The following DAB1 variants were observed in gnomAD, a reference collection of about 807,000 sequenced individuals.
DAB1 encodes the protein disabled homolog 1.
Under a neutral mutation model 64.6 loss-of-function variants are expected in DAB1, and 15 were observed. The observed-to-expected ratio is 0.23, with a 90% confidence interval of 0.16 to 0.36. DAB1 has a LOEUF of 0.36. Ranked by LOEUF, DAB1 falls within the 10% of genes least tolerant of loss-of-function variation. DAB1 has a pLI of 1.00. For missense variants in DAB1, 596 were observed against 706.7 expected (o/e 0.84, Z 1.78); for synonymous variants, 235 against 251.9 (o/e 0.93, Z 0.64).
At chr1:57,683,367 G>A (rs1293523215) in intron 6 of DAB1, among the ~76,000 whole-genome samples, 1 of 152,114 alleles carries the variant, frequency 6.6e-6, no homozygotes, top group Non-Finnish European at 1.5e-5. Flanking sequence ...GGCCAGGAGT[G>A]AACCTGCTGA....
intron 6 of DAB1, among the ~76,000 whole-genome samples, chr1:57,689,943 C>G (rs1396510451): frequency 6.6e-6 from 1 of 152,046 alleles, no homozygotes; most frequent in East Asian, 1.9e-4. Context: ...TAATTCTATT[C>G]TCTATCTCTG....
At chr1:57,563,749 C>T (rs1441026743) in intron 7 of DAB1, among the ~76,000 whole-genome samples, 4 of 152,172 alleles carry the variant, frequency 2.6e-5, no homozygotes, top group African/African-American at 2.4e-5. Context: ...GGGAGGGGCA[C>T]CCACCATTGC....
intron 2 of DAB1, among the ~76,000 whole-genome samples, chr1:57,177,305 T>C (rs917690215): frequency 2.0e-5 from 3 of 152,156 alleles, no homozygotes; most frequent in African/African-American, 7.2e-5. Flanking sequence ...CCCCTTTGAG[T>C]CAGTCATCTT....
At chr1:57,017,373 C>A (rs1191834203) in intron 11 of DAB1, among the ~76,000 whole-genome samples, 1 of 152,130 alleles carries the variant, frequency 6.6e-6, no homozygotes, top group Non-Finnish European at 1.5e-5. Context: ...TCCAAAGGGA[C>A]AATGGGTGGG....
intron 1 of DAB1, among the ~76,000 whole-genome samples, chr1:58,530,965 G>A (rs1304992147): frequency 6.6e-6 from 1 of 152,082 alleles, no homozygotes; most frequent in African/African-American, 2.4e-5. Flanking sequence ...CTATTAGTCA[G>A]AGGATATAAA....
At chr1:57,616,027 A>T (rs1007452019) in intron 7 of DAB1, among the ~76,000 whole-genome samples, 1 of 152,162 alleles carries the variant, frequency 6.6e-6, no homozygotes, top group African/African-American at 2.4e-5. Flanking sequence ...CCCTATAAGA[A>T]TGGAGTGTGT....
intron 5 of DAB1, among the ~76,000 whole-genome samples, chr1:57,923,937 G>C (rs1047553377): frequency 3.3e-5 from 5 of 152,188 alleles, no homozygotes; most frequent in Non-Finnish European, 7.3e-5. Context: ...AGAAGAATTA[G>C]AAAGAAACAC....
At chr1:57,126,292 A>C (rs1199587823) in intron 4 of DAB1, among the ~76,000 whole-genome samples, 1 of 152,180 alleles carries the variant, frequency 6.6e-6, no homozygotes, top group Non-Finnish European at 1.5e-5. Context: ...ACAGAAAGGA[A>C]ACCAATCAGT....
chr1:58,102,728 T>C (rs561215757), intron 5 of DAB1, among the ~76,000 whole-genome samples: 2 of 152,330 alleles, frequency 1.3e-5, no homozygotes, highest in South Asian at 2.1e-4. Flanking sequence ...TTAGAATATA[T>C]GCTATGTGAT....
intron 2 of DAB1, among the ~76,000 whole-genome samples, chr1:57,245,672 A>G (rs1668815407): frequency 6.6e-6 from 1 of 152,222 alleles, no homozygotes; most frequent in Non-Finnish European, 1.5e-5. Context: ...TTCTTAATCC[A>G]GTCTATCATT....
intron 3 of DAB1, among the ~76,000 whole-genome samples, chr1:58,419,565 G>A (rs948294740): frequency 2.6e-5 from 4 of 152,100 alleles, no homozygotes; most frequent in Non-Finnish European, 5.9e-5. Flanking sequence ...CCCTTACACT[G>A]TCAGGCTCCT....
At chr1:58,006,801 T>C (rs934933394) in intron 5 of DAB1, among the ~76,000 whole-genome samples, 2 of 152,156 alleles carry the variant, frequency 1.3e-5, no homozygotes, top group African/African-American at 2.4e-5. Context: ...TCAGGAATGC[T>C]CCTGTGAAGG....
chr1:57,899,804 G>GAGGT (rs1353505491), intron 5 of DAB1, among the ~76,000 whole-genome samples: 5 of 152,084 alleles, frequency 3.3e-5, no homozygotes, highest in African/African-American at 1.2e-4. Flanking sequence ...CATTGGACTA[G>GAGGT]AGGTACGTTT....
At chr1:58,287,523 T>C (rs1303820046) in intron 4 of DAB1, among the ~76,000 whole-genome samples, 1 of 152,074 alleles carries the variant, frequency 6.6e-6, no homozygotes, top group Non-Finnish European at 1.5e-5. Flanking sequence ...CAGTTGATAC[T>C]GGCTGCTGCT....
At chr1:58,541,333 A>C (rs1323679178) in intron 1 of DAB1, among the ~76,000 whole-genome samples, 3 of 118,374 alleles carry the variant, frequency 2.5e-5, no homozygotes, top group Non-Finnish European at 5.4e-5. Context: ...AAAAAAAAAA[A>C]CAGGAAAAAC....
intron 5 of DAB1, among the ~76,000 whole-genome samples, chr1:58,045,550 A>G (rs1424018525): frequency 6.6e-6 from 1 of 152,192 alleles, no homozygotes; most frequent in Non-Finnish European, 1.5e-5. Context: ...AACTTCTGAG[A>G]GCCAAGCCTT....
intron 5 of DAB1, among the ~76,000 whole-genome samples, chr1:58,060,639 G>T (rs1027554097): frequency 3.3e-5 from 5 of 152,124 alleles, no homozygotes; most frequent in Admixed American, 3.3e-4. Flanking sequence ...GGTTTTCGGG[G>T]TCTCCTGCCC....
intron 7 of DAB1, among the ~76,000 whole-genome samples, chr1:57,439,418 G>GTTTTTTTTTTTTTTTTTTTTTGTT: frequency 2.6e-5 from 3 of 116,170 alleles, no homozygotes; most frequent in South Asian, 3.2e-4. Flanking sequence ...TGGTGATGAG[G>GTTTTTTTTTTTTTTTTTTTTTGTT]TTTTTTCTTT....
At chr1:57,497,499 G>C (rs1644244303) in intron 7 of DAB1, among the ~76,000 whole-genome samples, 1 of 152,226 alleles carries the variant, frequency 6.6e-6, no homozygotes, top group Non-Finnish European at 1.5e-5. Context: ...TTCTAGTCTA[G>C]TGATGGATGT....
Sources: gnomAD v4.1 joint callset for allele counts (sites outside exome capture counted in the v4.1 genomes callset) on GRCh38, gnomAD v4.1.1 for gene constraint, MANE v1.5 for transcripts, NCBI Gene and HGNC (gene_info 2026-07-23, HGNC 2026-07-21) for gene names.